Variants in GLDN observed in about 807,000 individuals in gnomAD.
The protein encoded by GLDN is collomin.
GLDN carries 47 observed loss-of-function variants against 56.5 expected under a neutral mutation model. The ratio of observed to expected loss-of-function variants is 0.83; its 90% confidence interval spans 0.66 to 1.06. The LOEUF (loss-of-function observed/expected upper bound fraction) is 1.06, where lower values mean the gene tolerates loss of function less well. GLDN is among the 50% of genes least tolerant of loss of function. The pLI, the probability that GLDN is intolerant of heterozygous loss-of-function variation, is 0.00. For missense variants in GLDN, 782 were observed against 714.3 expected (o/e 1.09, Z -1.08); for synonymous variants, 332 against 278.8 (o/e 1.19, Z -1.90).
At position 51,394,850 on chromosome 15, in the gene GLDN, C is replaced by T; in HGVS notation, c.557C>T (p.Ala186Val). The T allele has an allele frequency of 6.2e-7, 1 of 1,613,604 alleles. No homozygotes were observed. Among genetic ancestry groups the T allele is most frequent in the Non-Finnish European group, 8.5e-7 (1 of 1,179,852 alleles). ...KRGKMGIPGA[A>V]GNPGERGEKG... ...TTTTGGTCAGGGATACCTGGAGCTG[C>T]AGGAAATCCAGGGGAAAGGGGAGAA... Residue 186 changes from alanine to valine, a missense_variant, in exon 5 of 10, where the codon GCA becomes GTA. By Grantham distance (64) the Ala-to-Val change is moderately conservative. Coordinates refer to ENST00000335449, the MANE Select transcript of GLDN (RefSeq NM_181789.4).
chr15:51,412,126 C>A (rs996756216), downstream of GLDN, among the ~76,000 whole-genome samples: 1 of 152,116 alleles, frequency 6.6e-6, no homozygotes, highest in African/African-American at 2.4e-5. Flanking sequence ...CATGGGAAGC[C>A]TATAAGGTAT....
Position 51,363,685 on chromosome 15 carries a change from G to A in GLDN, c.364-13764G>A, listed in dbSNP as rs924566097. Among the ~76,000 whole-genome samples the A allele has an allele frequency of 6.6e-5, 10 of 152,364 alleles. 1 individual carries two copies. Among genetic ancestry groups the A allele is most frequent in the Admixed American group, 2.0e-4 (3 of 15,308 alleles). On this transcript the variant is annotated intron_variant, in intron 1 of 9. Coordinates refer to ENST00000335449, the MANE Select transcript of GLDN (RefSeq NM_181789.4). ...CTAAGAGGGATATGAATAAAGCCCA[G>A]TGGGCGATCAGGAAGCGTTTCGAGA...
At chr15:51,376,023 G>C (rs1014107458) in intron 1 of GLDN, among the ~76,000 whole-genome samples, 2 of 152,192 alleles carry the variant, frequency 1.3e-5, no homozygotes, top group Admixed American at 6.5e-5. Flanking sequence ...TCTTGATGAT[G>C]TTGATAGATA....
Position 51,397,540 on chromosome 15 carries a change from TG to T in GLDN, c.761del (p.Gly254GlufsTer50). 1 of 1,602,360 alleles carries T rather than the reference TG, an allele frequency of 6.2e-7. No homozygotes were observed. Among genetic ancestry groups the T allele is most frequent in the Non-Finnish European group, 8.5e-7 (1 of 1,173,658 alleles). On this transcript the variant is annotated frameshift_variant, in exon 6 of 10. Transcript: ENST00000335449. LOFTEE classifies it high-confidence loss of function. ...PGPPGPPGPP[G>X]SRRAKGPRQP... ...GCCCTCCAGGTCCTCCAGGGCCCCC[TG>T]GAAGCAGAAGAGCCAAAGGCCCTCG...
At chr15:51,374,736 C>CG (rs2037594068) in intron 1 of GLDN, among the ~76,000 whole-genome samples, 1 of 110,260 alleles carries the variant, frequency 9.1e-6, no homozygotes, top group Admixed American at 1.0e-4. Context: ...CTTTCTTTTC[C>CG]TTTTTTTTTT....
At chr15:51,361,114 T>C (rs753537742) in intron 1 of GLDN, among the ~76,000 whole-genome samples, 10 of 152,244 alleles carry the variant, frequency 6.6e-5, no homozygotes, top group East Asian at 1.9e-4. Context: ...TACTGAAAGA[T>C]GATTCCAGCA....
chr15:51,407,512 G>A lies in GLDN; in HGVS notation c.*2758G>A, dbSNP rs2038409894. ...AATCTAAAGTAGATAGCTTCCCACT[G>A]GAAAGTAAACAAAACCATCCCTCCC... On this transcript the variant is annotated 3_prime_UTR_variant, in exon 10 of 10. Transcript: ENST00000335449. 6.6e-6 allele frequency: 1 copy of A among 152,096 alleles called. No individual in the cohort carries two copies. Among genetic ancestry groups the A allele is most frequent in the African/African-American group, 2.4e-5 (1 of 41,398 alleles). 9.4% of individuals were successfully genotyped at this position (152,096 alleles called of 1,614,324 possible).
chr15:51,377,422 G>A, intron 1 of GLDN, 27 bp from the exon 2 acceptor site: 4 of 1,605,156 alleles, frequency 2.5e-6, no homozygotes, highest in Non-Finnish European at 3.4e-6. Context: ...CCCACTGTCT[G>A]CTCTGATGAC....
rs766030364 is a variant in GLDN, at chr15:51,394,964, A to G, written c.671A>G (p.Asn224Ser). The change falls in exon 5 of 10, where the codon AAC becomes AGC. Residue 224 changes from asparagine to serine, a missense_variant. Transcript: ENST00000335449. ...AAGGGTGACAAAGGAGATGTGTCCA[A>G]CGACGTGCTCCTGGCAGGTAAGAGG... The part of the protein sequence containing the change: ...GEKGDKGDVS[N>S]DVLLAGAKGD... The G allele has an allele frequency of 1.2e-6, 2 of 1,603,352 alleles. No homozygotes were observed. Among genetic ancestry groups the G allele is most frequent in the South Asian group, 2.3e-5 (2 of 88,356 alleles).
intron 1 of GLDN, among the ~76,000 whole-genome samples, chr15:51,344,463 A>G (rs1475267691): frequency 6.6e-6 from 1 of 152,158 alleles, no homozygotes; most frequent in Non-Finnish European, 1.5e-5. Context: ...TCTCAGAACA[A>G]TTATTCATAT....
In GLDN at chr15:51,394,722, T is replaced by C. The variant is rs911358071; in HGVS notation, c.542-113T>C. 16 of 956,974 alleles carry C rather than the reference T, an allele frequency of 1.7e-5. No homozygotes were observed. In the South Asian group the frequency reaches 2.5e-4, roughly 15 times the overall value. 59.3% of individuals were successfully genotyped at this position (956,974 alleles called of 1,614,324 possible). A position where few individuals can be genotyped will look rare whatever the true frequency, so the allele number is the denominator to read the frequency against. ...GCTCTAAAATGGTTATGAAATGCTG[T>C]GTGTTTGGTATATAAAACTGCTTCC... On this transcript the variant is annotated intron_variant, in intron 4 of 9. Transcript: ENST00000335449.
intron 1 of GLDN, among the ~76,000 whole-genome samples, chr15:51,347,225 A>C (rs2036994273): frequency 6.6e-6 from 1 of 151,954 alleles, no homozygotes; most frequent in Non-Finnish European, 1.5e-5. Flanking sequence ...GACAGTTCTC[A>C]GGCAAAGAAA....
At chr15:51,350,740 T>A (rs1008593336) in intron 1 of GLDN, among the ~76,000 whole-genome samples, 13 of 152,122 alleles carry the variant, frequency 8.5e-5, no homozygotes, top group South Asian at 4.1e-4. Flanking sequence ...TACACACAAA[T>A]AAAGCATTCC....
chr15:51,401,647 C>G lies in GLDN; in HGVS notation c.1082C>G (p.Thr361Arg). 1.2e-6 allele frequency: 2 copies of G among 1,614,108 alleles called. No homozygotes were observed. Among genetic ancestry groups the G allele is most frequent in the Non-Finnish European group, 1.7e-6 (2 of 1,179,944 alleles). ...CCCTCACTTCTGAATGGCAGTTACACGTTCATCCACCTTCCATACTATTTC... is the reference window on the plus strand; with the variant it reads ...CCCTCACTTCTGAATGGCAGTTACAGGTTCATCCACCTTCCATACTATTTC... ...DQPSLLNGSY[T>R]FIHLPYYFHG... Residue 361 changes from threonine to arginine, a missense_variant, in exon 9 of 10, where the codon ACG (threonine) becomes AGG (arginine). Coordinates refer to ENST00000335449, the MANE Select transcript of GLDN (RefSeq NM_181789.4).
At chr15:51,401,846 T>C (rs2038259432) in intron 9 of GLDN, 103 bp downstream of exon 9, 1 of 1,048,038 alleles carries the variant, frequency 9.5e-7, no homozygotes, top group Non-Finnish European at 1.4e-6. Flanking sequence ...ATCATCTTTG[T>C]GTCCCTAGGG....
intron 2 of GLDN, among the ~76,000 whole-genome samples, chr15:51,379,405 G>A (rs918407515): frequency 1.3e-5 from 2 of 152,308 alleles, no homozygotes; most frequent in East Asian, 1.9e-4. Flanking sequence ...ACTGCGTATT[G>A]GGGCAGAAGC....
intron 1 of GLDN, among the ~76,000 whole-genome samples, chr15:51,376,070 G>A (rs2037624579): frequency 6.6e-6 from 1 of 152,140 alleles, no homozygotes; most frequent in Non-Finnish European, 1.5e-5. Context: ...TCTTTTAAGG[G>A]TTTCTTTCAA....
chr15:51,343,918 C>G (rs1176288368), intron 1 of GLDN, among the ~76,000 whole-genome samples: 1 of 152,252 alleles, frequency 6.6e-6, no homozygotes, highest in African/African-American at 2.4e-5. Flanking sequence ...CCCCCCACCT[C>G]CTATGCCATT....
intron 1 of GLDN, among the ~76,000 whole-genome samples, chr15:51,344,404 A>G (rs2036941413): frequency 6.6e-6 from 1 of 152,228 alleles, no homozygotes. Flanking sequence ...TGACAGCAAT[A>G]TTCTTTCCAT....
Sources: gnomAD v4.1 joint callset for allele counts (sites outside exome capture counted in the v4.1 genomes callset) on GRCh38, gnomAD v4.1.1 for gene constraint, MANE v1.5 for transcripts, NCBI Gene and HGNC (gene_info 2026-07-23, HGNC 2026-07-21) for gene names.